ACVR2B: variants seen among roughly 807,000 people sequenced by gnomAD.
ACVR2B encodes the protein activin receptor type-2B.
In ACVR2B, 18 loss-of-function variants were observed where a neutral mutation model predicts 65.1. The observed-to-expected ratio is 0.28, with a 90% CI of 0.19 to 0.41. The LOEUF is 0.41. Ranked by LOEUF, ACVR2B falls within the 10% of genes least tolerant of loss-of-function variation. The pLI is 1.00. For missense variants in ACVR2B, 482 were observed against 682.7 expected (o/e 0.71, Z 3.28); for synonymous variants, 298 against 277.7 (o/e 1.07, Z -0.73).
intron 1 of ACVR2B, among the ~76,000 whole-genome samples, chr3:38,466,214 T>C (rs373561055): frequency 1.3e-5 from 2 of 152,016 alleles, no homozygotes; most frequent in East Asian, 1.9e-4. Flanking sequence ...GCTAAGGAGG[T>C]AGGTAGGAGG....
chr3:38,479,630 G>C, intron 6 of ACVR2B, 48 bp from the exon 7 acceptor site: 1 of 1,611,038 alleles, frequency 6.2e-7, no homozygotes, highest in Non-Finnish European at 8.5e-7. Flanking sequence ...GCTGGGTCCT[G>C]TCCTGTACCC....
At chr3:38,472,517 TGTA>T (rs1209697784) in intron 1 of ACVR2B, among the ~76,000 whole-genome samples, 3 of 152,168 alleles carry the variant, frequency 2.0e-5, no homozygotes, top group African/African-American at 7.2e-5. Flanking sequence ...CCTAGATAGA[TGTA>T]GTGGTGAGTG....
intron 1 of ACVR2B, among the ~76,000 whole-genome samples, chr3:38,472,111 T>A (rs1709828142): frequency 6.6e-6 from 1 of 152,196 alleles, no homozygotes; most frequent in Non-Finnish European, 1.5e-5. Flanking sequence ...TCTTTATCTG[T>A]TATACACTCC....
At chr3:38,471,831 T>C (rs911161682) in intron 1 of ACVR2B, among the ~76,000 whole-genome samples, 1 of 152,240 alleles carries the variant, frequency 6.6e-6, no homozygotes, top group Non-Finnish European at 1.5e-5. Flanking sequence ...AGTTACTCTT[T>C]GCAGAATGCT....
intron 1 of ACVR2B, among the ~76,000 whole-genome samples, chr3:38,468,711 G>T (rs909132462): frequency 1.3e-5 from 2 of 152,148 alleles, no homozygotes; most frequent in African/African-American, 4.8e-5. Context: ...ACTTTATCCA[G>T]AGCCAACTTA....
chr3:38,459,729 A>C, intron 1 of ACVR2B: 1 of 956,366 alleles, frequency 1.0e-6, no homozygotes, highest in Non-Finnish European at 1.2e-6. Context: ...TGGTGGCCAG[A>C]TGGGAATCTG....
chr3:38,457,062 G>A (rs114828370), intron 1 of ACVR2B, among the ~76,000 whole-genome samples: 3,649 of 152,158 alleles, frequency 0.024, 148 homozygotes, highest in East Asian at 0.16. Flanking sequence ...AAATTAGCTG[G>A]GTGTGGTGGC....
intron 1 of ACVR2B, among the ~76,000 whole-genome samples, chr3:38,473,104 G>T (rs913920261): frequency 1.3e-5 from 2 of 152,188 alleles, no homozygotes; most frequent in Admixed American, 6.5e-5. Flanking sequence ...GGGATGGTTT[G>T]GGGAGCACTG....
chr3:38,461,732 T>C (rs1324248319), intron 1 of ACVR2B, among the ~76,000 whole-genome samples: 1 of 152,180 alleles, frequency 6.6e-6, no homozygotes, highest in East Asian at 1.9e-4. Flanking sequence ...ACAAGTAATA[T>C]ACCTACATTA....
rs1211494808 is a variant in ACVR2B, at chr3:38,484,701, A to C, written c.*1369A>C. On this transcript the variant is annotated 3_prime_UTR_variant, in exon 11 of 11. Transcript: ENST00000352511. ...AAAACACACACATCCACATATACAC[A>C]TGCTTCGCTATGTGGCTTCCAAGGT... is the stretch of plus-strand genomic sequence containing the variant. The C allele has an allele frequency of 6.6e-6, 1 of 152,614 alleles. No individual in the cohort carries two copies. Among genetic ancestry groups the C allele is most frequent in the East Asian group, 1.9e-4 (1 of 5,206 alleles). 9.5% of individuals were successfully genotyped at this position (152,614 alleles called of 1,614,324 possible).
At position 38,483,419 on chromosome 3, in the gene ACVR2B, A is replaced by G. The variant is rs78099173; in HGVS notation, c.*87A>G. On this transcript the variant is annotated 3_prime_UTR_variant, in exon 11 of 11. Coordinates refer to ENST00000352511, the MANE Select transcript of ACVR2B (RefSeq NM_001106.4). This position sits in a 1 kb window ranked among gnomAD's most constrained non-coding sequence, Gnocchi z 4.8. ...TGTTTTGTTTTGGAAATCCCATAAA[A>G]CCAACAAACACATAAAATGCAGCTG... The G allele has an allele frequency of 2.2e-3, 2,781 of 1,267,462 alleles. 51 individuals are homozygous for G. In the African/African-American group the frequency reaches 0.034, roughly 15 times the overall value. 78.5% of individuals were successfully genotyped at this position (1,267,462 alleles called of 1,614,324 possible). A position where few individuals can be genotyped will look rare whatever the true frequency, so the allele number is the denominator to read the frequency against.
rs188138997 is a variant in ACVR2B at position 38,469,560 on chromosome 3, C to T, written c.53-7727C>T. ...TCCCCGAGAATTTATAACCATAGGC[C>T]TATGCTCATGTGAGCTTGGCATTTA... On this transcript the variant is annotated intron_variant, in intron 1 of 10. Transcript: ENST00000352511. 3.7e-3 allele frequency among the ~76,000 whole-genome samples: 568 copies of T among 151,708 alleles called. 5 individuals are homozygous for T. The highest frequency in any genetic ancestry group is 4.1e-3 in the Non-Finnish European group (279 of 68,004).
chr3:38,459,060 T>C lies in ACVR2B; in HGVS notation c.52+4686T>C, dbSNP rs143439026. On this transcript the variant is annotated intron_variant, in intron 1 of 10. Coordinates refer to ENST00000352511, the MANE Select transcript of ACVR2B (RefSeq NM_001106.4). Reference sequence around the variant, plus strand: ...GAGGTGAGAGCAAAATCATCTCAGATTGGGAACCACTGATCTAGAATGTTC... The same window carrying C: ...GAGGTGAGAGCAAAATCATCTCAGACTGGGAACCACTGATCTAGAATGTTC... Among the ~76,000 whole-genome samples, 186 of 152,244 alleles carry C rather than the reference T, an allele frequency of 1.2e-3. 1 individual carries two copies. Among genetic ancestry groups the C allele is most frequent in the Middle Eastern group, 0.01 (3 of 294 alleles).
Position 38,477,934 on chromosome 3 carries a change from C to T in ACVR2B, c.334C>T (p.Arg112Cys), listed in dbSNP as rs1310906789. The stretch of plus-strand genomic sequence containing the variant: ...CTGTGAAGGCAACTTCTGCAACGAA[C>T]GCTTCACTCATTTGCCAGAGGCTGG... ...CCCEGNFCNE[R>C]FTHLPEAGGP... The change falls in exon 3 of 11, where the codon CGC becomes TGC. Residue 112 changes from arginine to cysteine, a missense_variant. This residue lies in a region of ACVR2B where 85 missense variants were observed against 137.3 expected (regional missense o/e 0.62). Transcript: ENST00000352511. The surrounding 1 kb of genome is among the most constrained non-coding windows in gnomAD (Gnocchi z 6.7). 3.1e-6 allele frequency: 5 copies of T among 1,613,988 alleles called. No individual in the cohort carries two copies. Among genetic ancestry groups the T allele is most frequent in the Admixed American group, 1.7e-5 (1 of 60,008 alleles).
chr3:38,478,483 A>G lies in ACVR2B; in HGVS notation c.631A>G (p.Asn211Asp). ...FGCVWKAQLM[N>D]DFVAVKIFPL... The stretch of plus-strand genomic sequence containing the variant: ...CTGTGTCTGGAAGGCCCAGCTCATG[A>G]ATGACTTTGTAGCTGTCAAGATCTT... The change falls in exon 5 of 11, where the codon AAT becomes GAT. Residue 211 changes from asparagine (N) to aspartate (D), a missense_variant. Physicochemically the swap from Asn to Asp is conservative, Grantham distance 23 (BLOSUM62 1). Coordinates refer to ENST00000352511, the MANE Select transcript of ACVR2B (RefSeq NM_001106.4). 1 of 1,614,104 alleles carries G rather than the reference A, an allele frequency of 6.2e-7. No homozygotes were observed. Among genetic ancestry groups the G allele is most frequent in the South Asian group, 1.1e-5 (1 of 91,084 alleles).
rs751097610 is a variant in ACVR2B, at chr3:38,478,395, A to G, written c.543A>G (p.Pro181=). 6.2e-6 allele frequency: 10 copies of G among 1,614,048 alleles called. No individual in the cohort carries two copies. Among genetic ancestry groups the G allele is most frequent in the Non-Finnish European group, 8.5e-6 (10 of 1,179,982 alleles). Residue 181 remains proline (P), a synonymous_variant, in exon 5 of 11, where the codon CCA becomes CCG. Coordinates refer to ENST00000352511, the MANE Select transcript of ACVR2B (RefSeq NM_001106.4). The part of the protein sequence containing the change: ...DIHEDPGPPP[P]SPLVGLKPLQ... Reference sequence around the variant, plus strand: ...CCCAGGACCCTGGGCCTCCACCACCATCCCCTCTGGTGGGCCTGAAGCCAC... The same window carrying G: ...CCCAGGACCCTGGGCCTCCACCACCGTCCCCTCTGGTGGGCCTGAAGCCAC...
chr3:38,458,631 C>G (rs1173364894), intron 1 of ACVR2B, among the ~76,000 whole-genome samples: 1 of 152,128 alleles, frequency 6.6e-6, no homozygotes, highest in Admixed American at 6.5e-5. Context: ...CATTCAGCCC[C>G]TCTGCTTGGG....
intron 1 of ACVR2B, among the ~76,000 whole-genome samples, chr3:38,467,443 CAA>C (rs879791999): frequency 1.2e-4 from 15 of 128,860 alleles, no homozygotes; most frequent in Non-Finnish European, 1.5e-4. Flanking sequence ...AACTCTGTCT[CAA>C]AAAAAAAAAA....
rs568924881 is a variant in ACVR2B, at chr3:38,456,228, C to G, written c.52+1854C>G. 2.6e-5 allele frequency among the ~76,000 whole-genome samples: 4 copies of G among 152,314 alleles called. No individual in the cohort carries two copies. In the East Asian group the frequency reaches 7.7e-4, roughly 29 times the overall value. ...GGGGTCACTGGGTATTTCTTGTAGT[C>G]ACATCAACCAGTCCCTGACCTGTGG... On this transcript the variant is annotated intron_variant, in intron 1 of 10. Coordinates refer to ENST00000352511, the MANE Select transcript of ACVR2B (RefSeq NM_001106.4).
Sources: allele counts gnomAD v4.1 joint callset (sites outside exome capture counted in the v4.1 genomes callset), GRCh38; gene constraint gnomAD v4.1.1; regional missense constraint gnomAD v4.1.1; non-coding constraint Gnocchi (gnomAD v3.1); transcripts MANE v1.5; gene names NCBI Gene and HGNC (gene_info 2026-07-23, HGNC 2026-07-21).